AGAP1: variants seen among roughly 807,000 people sequenced by gnomAD.
The protein encoded by AGAP1 is arf-GAP with GTPase, ANK repeat and PH domain-containing protein 1.
Under a neutral mutation model 105.3 loss-of-function variants are expected in AGAP1, and 29 were observed. The ratio of observed to expected loss-of-function variants is 0.28; its 90% confidence interval spans 0.21 to 0.38. AGAP1 has a LOEUF of 0.38. Among genes scored for constraint, AGAP1 ranks in the 10% least tolerant of loss-of-function variants. The pLI, the probability that AGAP1 is intolerant of heterozygous loss-of-function variation, is 1.00. For synonymous variants in AGAP1, 509 were observed against 485.9 expected (o/e 1.05, Z -0.63); for missense variants, 998 against 1,165.1 (o/e 0.86, Z 2.09).
At position 235,558,650 on chromosome 2, in the gene AGAP1, G is replaced by A. The variant is rs148724728; in HGVS notation, c.163+63801G>A. On this transcript the variant is annotated intron_variant, in intron 1 of 17. Coordinates refer to ENST00000304032, the MANE Select transcript of AGAP1 (RefSeq NM_001037131.3). ...GAAGCTGAGTCTGGTTTTCCCATAGGAACAATGTTATGGGATGGGGACTGC... is the reference window on the plus strand; with the variant it reads ...GAAGCTGAGTCTGGTTTTCCCATAGAAACAATGTTATGGGATGGGGACTGC... Among the ~76,000 whole-genome samples, 417 of 152,208 alleles carry A rather than the reference G, an allele frequency of 2.7e-3. 2 individuals carry two copies. Among genetic ancestry groups the A allele is most frequent in the African/African-American group, 9.7e-3 (402 of 41,520 alleles).
At position 235,559,788 on chromosome 2, in the gene AGAP1, T is replaced by A. The variant is rs76991337; in HGVS notation, c.163+64939T>A. Reference sequence around the variant, plus strand: ...ATCTTAAAGCATATTTATATATTTGTATATCTTAGGAGAAATACCTATTCA... The same window carrying A: ...ATCTTAAAGCATATTTATATATTTGAATATCTTAGGAGAAATACCTATTCA... On this transcript the variant is annotated intron_variant, in intron 1 of 17. Transcript: ENST00000304032. The surrounding 1 kb of genome is among the most constrained non-coding windows in gnomAD (Gnocchi z 5.7). 0.066 allele frequency among the ~76,000 whole-genome samples: 10,093 copies of A among 152,210 alleles called. 464 individuals carry two copies. The highest frequency in any genetic ancestry group is 0.18 in the South Asian group (845 of 4,816).
chr2:236,010,573 G>A (rs1443245183), intron 13 of AGAP1, among the ~76,000 whole-genome samples: 2 of 152,154 alleles, frequency 1.3e-5, no homozygotes, highest in Non-Finnish European at 2.9e-5. Flanking sequence ...ACCTGAAGAC[G>A]CAGAAAGTCC....
chr2:235,499,351 T>G (rs926669607), intron 1 of AGAP1, among the ~76,000 whole-genome samples: 2 of 152,234 alleles, frequency 1.3e-5, no homozygotes, highest in East Asian at 1.9e-4. Flanking sequence ...TGTTTTCATG[T>G]GGAAATGTAT....
chr2:236,028,818 C>T (rs1425748923), intron 13 of AGAP1, among the ~76,000 whole-genome samples: 1 of 152,116 alleles, frequency 6.6e-6, no homozygotes, highest in Non-Finnish European at 1.5e-5. Context: ...GACATCTCAC[C>T]CTTAGGATTA....
chr2:235,616,942 T>A (rs1946325298), intron 1 of AGAP1, among the ~76,000 whole-genome samples: 1 of 150,910 alleles, frequency 6.6e-6, no homozygotes, highest in Non-Finnish European at 1.5e-5. Flanking sequence ...TGAACAAACG[T>A]GCATCTTTAA....
Position 236,062,966 on chromosome 2 carries a change from T to A in AGAP1, c.2114+13685T>A, listed in dbSNP as rs886441335. On this transcript the variant is annotated intron_variant, in intron 16 of 17. Coordinates refer to ENST00000304032, the MANE Select transcript of AGAP1 (RefSeq NM_001037131.3). This position sits in a 1 kb window ranked among gnomAD's most constrained non-coding sequence, Gnocchi z 4.2. ...TGAGCCACCGTGCCTGGCCATCAGC[T>A]ATTTTTTTAAGAGATGGGGGTCTCA... Among the ~76,000 whole-genome samples the A allele has an allele frequency of 2.6e-5, 4 of 152,058 alleles. No individual in the cohort carries two copies. The highest frequency in any genetic ancestry group is 5.9e-5 in the Non-Finnish European group (4 of 68,008).
intron 9 of AGAP1, among the ~76,000 whole-genome samples, chr2:235,810,912 C>G (rs1240836998): frequency 6.6e-6 from 1 of 151,214 alleles, no homozygotes; most frequent in African/African-American, 2.4e-5. Flanking sequence ...AGCCAGAGGC[C>G]CGGCTCAGCG....
intron 13 of AGAP1, among the ~76,000 whole-genome samples, chr2:236,018,960 C>T (rs905176225): frequency 6.6e-6 from 1 of 152,230 alleles, no homozygotes; most frequent in African/African-American, 2.4e-5. Context: ...AATTTCATCA[C>T]AGATACAGCT....
intron 9 of AGAP1, among the ~76,000 whole-genome samples, chr2:235,816,846 A>G (rs1958486274): frequency 6.6e-6 from 1 of 152,008 alleles, no homozygotes; most frequent in Admixed American, 6.6e-5. Context: ...AGCCGAGATC[A>G]TGCTACTGGA....
rs2057531427 is a variant in AGAP1 at position 236,040,923 on chromosome 2, CTCACA to C, written c.1891+85_1891+89del. ...CCCACTAGGCCCGGGTTGCAGGGGACTCACATCTGTCCTGTTTGGCAGATAAGAGT... is the reference window on the plus strand; with the variant it reads ...CCCACTAGGCCCGGGTTGCAGGGGACTCTGTCCTGTTTGGCAGATAAGAGT... On this transcript the variant is annotated intron_variant, in intron 15 of 17. Coordinates refer to ENST00000304032, the MANE Select transcript of AGAP1 (RefSeq NM_001037131.3). This position sits in a 1 kb window ranked among gnomAD's most constrained non-coding sequence, Gnocchi z 5.6. The C allele has an allele frequency of 1.2e-5, 16 of 1,383,064 alleles. No homozygotes were observed. Among genetic ancestry groups the C allele is most frequent in the Middle Eastern group, 1.8e-4 (1 of 5,576 alleles). 85.7% of individuals were successfully genotyped at this position (1,383,064 alleles called of 1,614,324 possible). A position where few individuals can be genotyped will look rare whatever the true frequency, so the allele number is the denominator to read the frequency against.
chr2:235,975,570 G>T (rs1269865780), intron 13 of AGAP1, among the ~76,000 whole-genome samples: 4 of 152,176 alleles, frequency 2.6e-5, no homozygotes, highest in African/African-American at 7.2e-5. Flanking sequence ...CACTCCTGGG[G>T]TGCAATTAGT....
At chr2:236,030,770 G>C (rs1234918995) in intron 13 of AGAP1, among the ~76,000 whole-genome samples, 1 of 152,192 alleles carries the variant, frequency 6.6e-6, no homozygotes, top group East Asian at 1.9e-4. Flanking sequence ...GTGTTGGAGA[G>C]GAGAGCGACA....
chr2:235,529,847 G>A (rs1048409274), intron 1 of AGAP1, among the ~76,000 whole-genome samples: 1 of 152,212 alleles, frequency 6.6e-6, no homozygotes, highest in African/African-American at 2.4e-5. Context: ...TGGAGCTGGG[G>A]TTGTACGAGA....
rs1023578965 is a variant in AGAP1 at position 235,615,319 on chromosome 2, C to T, written c.164-93860C>T. 6.6e-6 allele frequency among the ~76,000 whole-genome samples: 1 copy of T among 152,210 alleles called. No homozygotes were observed. The highest frequency in any genetic ancestry group is 1.5e-5 in the Non-Finnish European group (1 of 68,048). Reference sequence around the variant, plus strand: ...CATCCATCCTCCCTGCTCTGCCTCGCACTGCCTTCTAATGGGTCCCACTGA... The same window carrying T: ...CATCCATCCTCCCTGCTCTGCCTCGTACTGCCTTCTAATGGGTCCCACTGA... On this transcript the variant is annotated intron_variant, in intron 1 of 17. Coordinates refer to ENST00000304032, the MANE Select transcript of AGAP1 (RefSeq NM_001037131.3). This position sits in a 1 kb window ranked among gnomAD's most constrained non-coding sequence, Gnocchi z 5.0.
chr2:235,583,871 C>CG (rs1945015211), intron 1 of AGAP1, among the ~76,000 whole-genome samples: 2 of 95,562 alleles, frequency 2.1e-5, no homozygotes, highest in Admixed American at 2.0e-4. Context: ...GAGATCATGT[C>CG]TTAAAAAAAA....
At chr2:236,106,624 C>A (rs2059501939) in intron 16 of AGAP1, among the ~76,000 whole-genome samples, 1 of 152,232 alleles carries the variant, frequency 6.6e-6, no homozygotes, top group African/African-American at 2.4e-5. Context: ...TCATTCTGGG[C>A]TCCCATGAAT....
intron 3 of AGAP1, among the ~76,000 whole-genome samples, chr2:235,727,847 A>G (rs994429179): frequency 3.2e-4 from 48 of 152,148 alleles, no homozygotes; most frequent in Non-Finnish European, 5.7e-4. Context: ...AGCATACTGA[A>G]AAAGACGAAG....
Position 235,574,178 on chromosome 2 carries a change from A to G in AGAP1, c.163+79329A>G, listed in dbSNP as rs975482819. On this transcript the variant is annotated intron_variant, in intron 1 of 17. Coordinates refer to ENST00000304032, the MANE Select transcript of AGAP1 (RefSeq NM_001037131.3). This position sits in a 1 kb window ranked among gnomAD's most constrained non-coding sequence, Gnocchi z 5.0. ...CAGCTGGGCATTCAGCTGTGACTGCATTCTGGCACCTGAAGCATCTGGGCC... is the reference window on the plus strand; with the variant it reads ...CAGCTGGGCATTCAGCTGTGACTGCGTTCTGGCACCTGAAGCATCTGGGCC... Among the ~76,000 whole-genome samples, 4 of 152,084 alleles carry G rather than the reference A, an allele frequency of 2.6e-5. No individual in the cohort carries two copies. The highest frequency in any genetic ancestry group is 4.8e-5 in the African/African-American group (2 of 41,446).
intron 1 of AGAP1, chr2:235,669,897 CG>C (rs1948281775): frequency 6.8e-6 from 1 of 147,972 alleles, no homozygotes; most frequent in South Asian, 2.1e-4. Flanking sequence ...CTCGGCGCCC[CG>C]GGCCCGGACC....
Sources: allele counts gnomAD v4.1 joint callset (sites outside exome capture counted in the v4.1 genomes callset), GRCh38; gene constraint gnomAD v4.1.1; non-coding constraint Gnocchi (gnomAD v3.1); transcripts MANE v1.5; gene names NCBI Gene and HGNC (gene_info 2026-07-23, HGNC 2026-07-21).